Variants in MTREX observed in about 807,000 individuals in gnomAD.
MTREX encodes the protein exosome RNA helicase MTR4.
In MTREX, 76 loss-of-function variants were observed where a neutral mutation model predicts 135.4. That is an observed-to-expected ratio of 0.56 (90% confidence interval 0.47 to 0.68). MTREX has a LOEUF of 0.68. Among genes scored for constraint, MTREX ranks in the 30% least tolerant of loss-of-function variants. The pLI, the probability that MTREX is intolerant of heterozygous loss-of-function variation, is 0.00. For synonymous variants in MTREX, 404 were observed against 401.6 expected (o/e 1.01, Z -0.07); for missense variants, 920 against 1,262.1 (o/e 0.73, Z 4.11).
In MTREX at chr5:55,370,708, G is replaced by A. The variant is rs77849129; in HGVS notation, c.1810+3833G>A. Among the ~76,000 whole-genome samples the A allele has an allele frequency of 1.1e-3, 160 of 152,304 alleles. 1 individual carries two copies. Among genetic ancestry groups the A allele is most frequent in the African/African-American group, 3.7e-3 (154 of 41,576 alleles). ...CCTCTAGTACAGTTTGCAGAGCTGAGTGTTAATGATCAAACAGACCATGTA... is the reference window on the plus strand; with the variant it reads ...CCTCTAGTACAGTTTGCAGAGCTGAATGTTAATGATCAAACAGACCATGTA... On this transcript the variant is annotated intron_variant, in intron 16 of 26. Coordinates refer to ENST00000230640, the MANE Select transcript of MTREX (RefSeq NM_015360.5).
At chr5:55,407,530 G>T in intron 22 of MTREX, among the ~76,000 whole-genome samples, 1 of 150,622 alleles carries the variant, frequency 6.6e-6, no homozygotes, top group South Asian at 2.1e-4. Flanking sequence ...TTCATTTATA[G>T]TAATAACAAT....
intron 26 of MTREX, chr5:55,424,390 T>A (rs1751113027): frequency 5.9e-6 from 1 of 170,588 alleles, no homozygotes; most frequent in Non-Finnish European, 1.3e-5. Flanking sequence ...GGTGATCCGC[T>A]CGCCTTGGCC....
At chr5:55,367,513 AT>A (rs1750125244) in intron 16 of MTREX, among the ~76,000 whole-genome samples, 1 of 151,756 alleles carries the variant, frequency 6.6e-6, no homozygotes, top group South Asian at 2.1e-4. Flanking sequence ...GCACATGCCT[AT>A]TAGCCTTGTC....
Position 55,340,051 on chromosome 5 carries a change from T to TA in MTREX, c.558dup (p.Phe187IlefsTer6). On this transcript the variant is annotated frameshift_variant, in exon 6 of 27. Transcript: ENST00000230640. LOFTEE classifies it high-confidence loss of function. ...GCCTTAAGGGAAAAGCAGCGTGTAATATTTACCAGCCCAATTAAGGCTCTG... is the reference window on the plus strand; with the variant it reads ...GCCTTAAGGGAAAAGCAGCGTGTAATAATTTACCAGCCCAATTAAGGCTCTG... 6.3e-7 allele frequency: 1 copy of TA among 1,591,688 alleles called. No homozygotes were observed. The highest frequency in any genetic ancestry group is 1.1e-5 in the South Asian group (1 of 87,056).
intron 18 of MTREX, among the ~76,000 whole-genome samples, chr5:55,381,269 T>A (rs531187325): frequency 1.3e-5 from 2 of 152,260 alleles, no homozygotes; most frequent in East Asian, 3.9e-4. Context: ...CCCATCTTTT[T>A]AATTTTCTTT....
chr5:55,366,956 C>A, intron 16 of MTREX, 81 bp downstream of exon 16: 1 of 1,223,762 alleles, frequency 8.2e-7, no homozygotes, highest in Non-Finnish European at 1.1e-6. Flanking sequence ...GCTGCTTTGG[C>A]TTTTGTTTTT....
chr5:55,358,226 A>T (rs1193389883), intron 14 of MTREX, among the ~76,000 whole-genome samples: 1 of 152,230 alleles, frequency 6.6e-6, no homozygotes. Context: ...ATATATTTGT[A>T]AGCATAATTA....
intron 15 of MTREX, among the ~76,000 whole-genome samples, chr5:55,362,409 G>A (rs1414973127): frequency 7.9e-5 from 12 of 152,052 alleles, no homozygotes. Flanking sequence ...CACCCAGGCT[G>A]GAGTGCAGTG....
intron 16 of MTREX, among the ~76,000 whole-genome samples, chr5:55,376,163 G>C (rs1052637486): frequency 6.6e-6 from 1 of 152,142 alleles, no homozygotes; most frequent in African/African-American, 2.4e-5. Flanking sequence ...TGAGCTTGAG[G>C]GGCTTCAAAA....
chr5:55,424,817 T>A lies in MTREX; in HGVS notation c.*45T>A. 1 of 1,358,286 alleles carries A rather than the reference T, an allele frequency of 7.4e-7. No homozygotes were observed. The highest frequency in any genetic ancestry group is 2.3e-5 in the East Asian group (1 of 43,690). 84.1% of individuals were successfully genotyped at this position (1,358,286 alleles called of 1,614,324 possible). ...AGATTTTAAATTATTGACCACCTGTTTGATTACAGTTGACTACAAATGCCT... is the reference window on the plus strand; with the variant it reads ...AGATTTTAAATTATTGACCACCTGTATGATTACAGTTGACTACAAATGCCT... On this transcript the variant is annotated 3_prime_UTR_variant, in exon 27 of 27. Transcript: ENST00000230640.
At chr5:55,394,313 G>A (rs907992487) in intron 19 of MTREX, among the ~76,000 whole-genome samples, 1 of 152,184 alleles carries the variant, frequency 6.6e-6, no homozygotes, top group African/African-American at 2.4e-5. Flanking sequence ...TCCAAACAGT[G>A]CATCAACTGC....
intron 15 of MTREX, among the ~76,000 whole-genome samples, chr5:55,365,072 A>T (rs183302934): frequency 5.4e-4 from 82 of 152,324 alleles, no homozygotes; most frequent in African/African-American, 1.8e-3. Context: ...GTTTCAGGTG[A>T]CTGAGAATTT....
chr5:55,318,892 G>A (rs529420176), intron 1 of MTREX, among the ~76,000 whole-genome samples: 4 of 152,102 alleles, frequency 2.6e-5, no homozygotes, highest in Non-Finnish European at 5.9e-5. Context: ...TTCAGGTAGT[G>A]TGAGTACTTA....
intron 13 of MTREX, 146 bp from the exon 14 acceptor site, chr5:55,353,022 A>G (rs995745666): frequency 1.4e-5 from 6 of 437,330 alleles, no homozygotes; most frequent in African/African-American, 1.2e-4. Flanking sequence ...TAAAATACGA[A>G]ATAGGTTTGA....
chr5:55,394,754 C>T (rs802846), intron 19 of MTREX, among the ~76,000 whole-genome samples: 130,784 of 152,098 alleles, frequency 0.86, 56,620 homozygotes, highest in South Asian at 0.92. Flanking sequence ...AGTAAAGGGC[C>T]GGGCGTGGTG....
rs570403333 is a variant in MTREX at position 55,397,164 on chromosome 5, G to A, written c.2182-252G>A. Among the ~76,000 whole-genome samples, 3 of 152,176 alleles carry A rather than the reference G, an allele frequency of 2.0e-5. No individual in the cohort carries two copies. In the East Asian group the frequency reaches 5.8e-4, roughly 29 times the overall value. On this transcript the variant is annotated intron_variant, in intron 19 of 26. Coordinates refer to ENST00000230640, the MANE Select transcript of MTREX (RefSeq NM_015360.5). ...GTAAAGTGTGCATTCTGTATTGAGGGGAGCTCTTATTTTTATGTACCATTT... is the reference window on the plus strand; with the variant it reads ...GTAAAGTGTGCATTCTGTATTGAGGAGAGCTCTTATTTTTATGTACCATTT...
At chr5:55,315,098 A>G (rs1248455173) in intron 1 of MTREX, among the ~76,000 whole-genome samples, 2 of 152,248 alleles carry the variant, frequency 1.3e-5, no homozygotes, top group African/African-American at 4.8e-5. Flanking sequence ...TGATACAAAC[A>G]GTAATGTGTG....
intron 16 of MTREX, among the ~76,000 whole-genome samples, chr5:55,372,719 G>C (rs767292087): frequency 2.0e-4 from 30 of 152,066 alleles, no homozygotes; most frequent in Non-Finnish European, 3.7e-4. Flanking sequence ...CTTACCTCAC[G>C]CCATATACAA....
intron 18 of MTREX, among the ~76,000 whole-genome samples, chr5:55,387,145 A>G (rs1414505758): frequency 6.6e-6 from 1 of 152,142 alleles, no homozygotes; most frequent in Non-Finnish European, 1.5e-5. Flanking sequence ...AATAGAGTGT[A>G]TGCTTTCTTT....
Sources: gnomAD v4.1 joint callset for allele counts (sites outside exome capture counted in the v4.1 genomes callset) on GRCh38, gnomAD v4.1.1 for gene constraint, MANE v1.5 for transcripts, NCBI Gene and HGNC (gene_info 2026-07-23, HGNC 2026-07-21) for gene names.